SORBS2: variants seen among roughly 807,000 people sequenced by gnomAD.
SORBS2 encodes sorbin and SH3 domain containing 2.
SORBS2 carries 46 observed loss-of-function variants against 97.7 expected under a neutral mutation model. The ratio of observed to expected loss-of-function variants is 0.47; its 90% confidence interval spans 0.37 to 0.60. The LOEUF (loss-of-function observed/expected upper bound fraction) is 0.60, where lower values mean the gene tolerates loss of function less well. Among genes scored for constraint, SORBS2 ranks in the 20% least tolerant of loss-of-function variants. The probability of loss-of-function intolerance (pLI) is 0.00; values close to 1 mark genes in which losing one functional copy is unlikely to be tolerated. For missense variants in SORBS2, 1,316 were observed against 1,282.3 expected (o/e 1.03, Z -0.40); for synonymous variants, 476 against 473.4 (o/e 1.01, Z -0.07).
At chr4:185,716,280 C>G (rs1166832256) in intron 2 of SORBS2, among the ~76,000 whole-genome samples, 1 of 152,204 alleles carries the variant, frequency 6.6e-6, no homozygotes, top group African/African-American at 2.4e-5. Flanking sequence ...TCTACCATAT[C>G]CAGATGGATC....
chr4:185,860,935 G>T (rs1397865064), intron 1 of SORBS2, among the ~76,000 whole-genome samples: 1 of 152,174 alleles, frequency 6.6e-6, no homozygotes, highest in Non-Finnish European at 1.5e-5. Context: ...TTAAAAAGAT[G>T]CCAGACTCTT....
intron 2 of SORBS2, among the ~76,000 whole-genome samples, chr4:185,728,188 T>C (rs747648144): frequency 3.5e-4 from 54 of 152,186 alleles, no homozygotes; most frequent in Admixed American, 7.9e-4. Context: ...GAAGGTTTTA[T>C]GCAAAACCAG....
intron 1 of SORBS2, among the ~76,000 whole-genome samples, chr4:185,776,969 A>ATCAAAT (rs1449001467): frequency 6.6e-6 from 1 of 151,840 alleles, no homozygotes; most frequent in Non-Finnish European, 1.5e-5. Context: ...AGATGCTTAT[A>ATCAAAT]TCAAATTCAA....
At chr4:185,763,310 G>A (rs2098914888) in intron 2 of SORBS2, among the ~76,000 whole-genome samples, 2 of 152,176 alleles carry the variant, frequency 1.3e-5, no homozygotes, top group Non-Finnish European at 2.9e-5. Flanking sequence ...GGCCAGGTGG[G>A]AGGCATGATT....
At chr4:185,722,037 T>C (rs1402984737) in intron 2 of SORBS2, among the ~76,000 whole-genome samples, 1 of 152,238 alleles carries the variant, frequency 6.6e-6, no homozygotes, top group Admixed American at 6.5e-5. Context: ...CAAGTCACTA[T>C]ATAAACACCA....
chr4:185,741,654 G>A (rs574379855), intron 2 of SORBS2, among the ~76,000 whole-genome samples: 14 of 152,004 alleles, frequency 9.2e-5, no homozygotes, highest in African/African-American at 2.2e-4. Context: ...GTGAGCCACC[G>A]CACCCGGCCT....
chr4:185,953,219 CAGG>C (rs1191715746), intron 1 of SORBS2, among the ~76,000 whole-genome samples: 1 of 152,232 alleles, frequency 6.6e-6, no homozygotes, highest in African/African-American at 2.4e-5. Flanking sequence ...GAGGCTGATG[CAGG>C]AGAATTGCTT....
At chr4:185,817,450 C>G (rs191594355) in intron 1 of SORBS2, among the ~76,000 whole-genome samples, 1 of 152,320 alleles carries the variant, frequency 6.6e-6, no homozygotes, top group East Asian at 1.9e-4. Context: ...AGAGGGCTGG[C>G]TGCTTTCATG....
intron 2 of SORBS2, among the ~76,000 whole-genome samples, chr4:185,747,827 C>A (rs567919186): frequency 3.3e-5 from 5 of 152,080 alleles, no homozygotes; most frequent in African/African-American, 9.6e-5. Context: ...CCGTCTCTAC[C>A]GAAAATACAA....
At chr4:185,898,452 T>TA (rs1309166610) in intron 1 of SORBS2, among the ~76,000 whole-genome samples, 2 of 152,318 alleles carry the variant, frequency 1.3e-5, no homozygotes, top group Admixed American at 1.3e-4. Context: ...ATTTAGAAGT[T>TA]AAATCAATCA....
intron 2 of SORBS2, among the ~76,000 whole-genome samples, chr4:185,685,728 C>G (rs1050085837): frequency 6.6e-6 from 1 of 152,096 alleles, no homozygotes; most frequent in Non-Finnish European, 1.5e-5. Flanking sequence ...TTGCTGTGTT[C>G]CCCAGGCTGG....
intron 1 of SORBS2, among the ~76,000 whole-genome samples, chr4:185,793,604 T>A (rs1431403549): frequency 6.6e-6 from 1 of 152,156 alleles, no homozygotes; most frequent in Admixed American, 6.5e-5. Flanking sequence ...ATTCTGTGTA[T>A]TTTTTTATTT....
chr4:185,647,469 G>C (rs2097230272), intron 3 of SORBS2, among the ~76,000 whole-genome samples: 2 of 147,976 alleles, frequency 1.4e-5, no homozygotes, highest in South Asian at 2.2e-4. Flanking sequence ...CTGGAGTGCA[G>C]TGGTGTGATC....
At chr4:185,855,728 C>A (rs1019050692) in intron 1 of SORBS2, among the ~76,000 whole-genome samples, 2 of 152,164 alleles carry the variant, frequency 1.3e-5, no homozygotes, top group African/African-American at 4.8e-5. Flanking sequence ...GGACTCCCAC[C>A]AAATCCATCA....
chr4:185,697,965 C>G (rs146676274), intron 2 of SORBS2, among the ~76,000 whole-genome samples: 14 of 152,246 alleles, frequency 9.2e-5, no homozygotes, highest in Non-Finnish European at 2.1e-4. Flanking sequence ...ATTATGTAAT[C>G]TAGTCTAGTT....
chr4:185,669,575 G>A (rs911726723), intron 4 of SORBS2, among the ~76,000 whole-genome samples: 2 of 151,952 alleles, frequency 1.3e-5, no homozygotes, highest in African/African-American at 4.8e-5. Flanking sequence ...GGAGAGGAGG[G>A]GAAAGTGCTC....
chr4:185,622,928 C>T, exon 7 of SORBS2: 1 of 1,609,510 alleles, frequency 6.2e-7, no homozygotes. Context: ...GAGTGCACCG[C>T]CACGGTCTTG....
In SORBS2 at chr4:185,625,142, C is replaced by T. The variant is rs151222546; in HGVS notation, c.635-648G>A. The stretch of plus-strand genomic sequence containing the variant: ...AAATAGCTAAAGCTCTTTAAACAAA[C>T]GAATTTACCTCTTAAATTGCTCTAC... On this transcript the variant is annotated intron_variant, in intron 6 of 14. Transcript: ENST00000418609. Among the ~76,000 whole-genome samples the T allele has an allele frequency of 8.7e-3, 1,324 of 152,266 alleles. 19 individuals carry two copies. The highest frequency in any genetic ancestry group is 0.029 in the African/African-American group (1,209 of 41,558).
chr4:185,747,260 A>G (rs1372679612), intron 2 of SORBS2, among the ~76,000 whole-genome samples: 1 of 152,130 alleles, frequency 6.6e-6, no homozygotes, highest in Non-Finnish European at 1.5e-5. Flanking sequence ...GAGCCTGGAG[A>G]ACTTTGAGAA....
Sources: gnomAD v4.1 joint callset for allele counts (sites outside exome capture counted in the v4.1 genomes callset) on GRCh38, gnomAD v4.1.1 for gene constraint, MANE v1.5 for transcripts, NCBI Gene and HGNC (gene_info 2026-07-23, HGNC 2026-07-21) for gene names.